Variants in ATP8B1 observed in about 807,000 individuals in gnomAD.
ATP8B1 encodes the protein ATPase phospholipid transporting 8B1, also known as phospholipid-transporting ATPase IC.
A neutral mutation model predicts 149.9 loss-of-function variants in ATP8B1; 80 were observed. The observed-to-expected ratio is 0.53, with a 90% CI of 0.45 to 0.64. The LOEUF (loss-of-function observed/expected upper bound fraction) is 0.64, where lower values mean the gene tolerates loss of function less well. Among genes scored for constraint, ATP8B1 ranks in the 30% least tolerant of loss-of-function variants. The pLI is 0.00. For synonymous variants in ATP8B1, 536 were observed against 562.8 expected (o/e 0.95, Z 0.67); for missense variants, 1,247 against 1,552.6 (o/e 0.80, Z 3.31).
rs72627261 is a variant in ATP8B1 at position 57,763,777 on chromosome 18, A to C, written c.-25-31945T>G. On this transcript the variant is annotated intron_variant, in intron 1 of 27. Coordinates refer to ENST00000648908, the MANE Select transcript of ATP8B1 (RefSeq NM_001374385.1). Reference sequence around the variant, plus strand: ...CATAAACATGTCAATCTTTCCCTTTAGCTCCTTCCACTCCTCCTTCAGTGT... The same window carrying C: ...CATAAACATGTCAATCTTTCCCTTTCGCTCCTTCCACTCCTCCTTCAGTGT... 8.4e-3 allele frequency among the ~76,000 whole-genome samples: 1,274 copies of C among 152,110 alleles called. 24 individuals are homozygous for C. The East Asian group carries it at 0.088, about 11-fold the overall frequency.
chr18:57,746,333 T>C (rs1390411535), intron 1 of ATP8B1, among the ~76,000 whole-genome samples: 2 of 152,134 alleles, frequency 1.3e-5, no homozygotes, highest in Non-Finnish European at 1.5e-5. Context: ...TTAGGTGGCA[T>C]ACTTCTCCAG....
chr18:57,792,909 T>C (rs1277767073), intron 1 of ATP8B1, among the ~76,000 whole-genome samples: 2 of 152,172 alleles, frequency 1.3e-5, no homozygotes. Flanking sequence ...GCAGCAGCCC[T>C]GGCAGGACAG....
In ATP8B1 at chr18:57,775,965, T is replaced by C. The variant is rs79489060; in HGVS notation, c.-26+27033A>G. ...AGCCTAGGCATTTCTTTAAAATCTA[T>C]CCATTCATGTGCTCCATTAGTCAAA... On this transcript the variant is annotated intron_variant, in intron 1 of 27. Coordinates refer to ENST00000648908, the MANE Select transcript of ATP8B1 (RefSeq NM_001374385.1). Among the ~76,000 whole-genome samples the C allele has an allele frequency of 2.1e-3, 318 of 152,230 alleles. 5 individuals are homozygous for C. Among genetic ancestry groups the C allele is most frequent in the Admixed American group, 0.016 (237 of 15,272 alleles).
At chr18:57,764,066 CT>C (rs2080183079) in intron 1 of ATP8B1, among the ~76,000 whole-genome samples, 1 of 152,210 alleles carries the variant, frequency 6.6e-6, no homozygotes. Context: ...TATTATAATA[CT>C]TTAATAAATA....
intron 2 of ATP8B1, among the ~76,000 whole-genome samples, chr18:57,730,442 G>T (rs319433): frequency 6.6e-6 from 1 of 152,104 alleles, no homozygotes; most frequent in African/African-American, 2.4e-5. Flanking sequence ...TAGAATTTTA[G>T]GGAACACCAT....
chr18:57,706,153 T>A (rs555328973), intron 3 of ATP8B1, among the ~76,000 whole-genome samples: 1 of 152,320 alleles, frequency 6.6e-6, no homozygotes, highest in South Asian at 2.1e-4. Context: ...GGAAGATAAG[T>A]TCTTAAGAGA....
intron 1 of ATP8B1, among the ~76,000 whole-genome samples, chr18:57,782,340 C>T (rs1192579055): frequency 2.6e-5 from 4 of 152,220 alleles, no homozygotes; most frequent in African/African-American, 7.2e-5. Context: ...AGCATCCTTA[C>T]GTTACACCAT....
rs371204439 is a variant in ATP8B1, at chr18:57,781,933, TG to T, written c.-26+21064del. On this transcript the variant is annotated intron_variant, in intron 1 of 27. Transcript: ENST00000648908. ...CCAGAAGTTTAAAGCTGCAGTGAGC[TG>T]TGTATGATCAGGCCACTGCACTCCA... is the stretch of plus-strand genomic sequence containing the variant. Among the ~76,000 whole-genome samples, 333 of 152,262 alleles carry T rather than the reference TG, an allele frequency of 2.2e-3. 2 individuals carry two copies. The highest frequency in any genetic ancestry group is 3.9e-3 in the Non-Finnish European group (263 of 68,014).
Position 57,688,298 on chromosome 18 carries a change from C to A in ATP8B1, c.1429+1G>T, listed in dbSNP as rs776670060. On this transcript the variant is annotated splice_donor_variant, in intron 13 of 27. Transcript: ENST00000648908. LOFTEE classifies it high-confidence loss of function. ...GAAAATGAGTGACGGCTTCCACTTA[C>A]CATATATCTGCCCGTTGATACAGCA... The A allele has an allele frequency of 6.2e-7, 1 of 1,613,816 alleles. No homozygotes were observed. The highest frequency in any genetic ancestry group is 8.5e-7 in the Non-Finnish European group (1 of 1,179,836).
chr18:57,653,350 A>G (rs1452667880), intron 24 of ATP8B1, among the ~76,000 whole-genome samples: 37 of 149,310 alleles, frequency 2.5e-4, no homozygotes, highest in African/African-American at 7.6e-4. Flanking sequence ...AGTGGCACAA[A>G]CACAACTCAC....
intron 16 of ATP8B1, among the ~76,000 whole-genome samples, chr18:57,672,917 T>TACAC (rs1568189307): frequency 1.5e-4 from 8 of 51,662 alleles, no homozygotes; most frequent in South Asian, 1.6e-3. Flanking sequence ...TATATATATA[T>TACAC]ATATATATAT....
chr18:57,684,367 CT>C lies in ATP8B1; in HGVS notation c.1474-176del, dbSNP rs1014520345. 0.032 allele frequency among the ~76,000 whole-genome samples: 4,722 copies of C among 146,096 alleles called. 242 individuals are homozygous for C. Among genetic ancestry groups the C allele is most frequent in the African/African-American group, 0.11 (4,323 of 40,192 alleles). On this transcript the variant is annotated intron_variant, in intron 14 of 27. Coordinates refer to ENST00000648908, the MANE Select transcript of ATP8B1 (RefSeq NM_001374385.1). ...CTGTCTTAAATAAAAAGCTCCCCCC[CT>C]TTTTTTTTTTGGAAACATATATGAC...
intron 2 of ATP8B1, among the ~76,000 whole-genome samples, chr18:57,713,176 T>TTCC (rs1568207385): frequency 1.0e-4 from 7 of 69,648 alleles, no homozygotes; most frequent in Non-Finnish European, 8.7e-5. Flanking sequence ...TCTTTCTTTC[T>TTCC]TTCTTTCTTT....
At chr18:57,756,301 GTATA>G (rs1384350680) in intron 1 of ATP8B1, among the ~76,000 whole-genome samples, 1 of 107,820 alleles carries the variant, frequency 9.3e-6, no homozygotes. Context: ...GTGTGTGTAT[GTATA>G]TATATATATA....
chr18:57,672,931 T>TAA (rs1555690213), intron 16 of ATP8B1, among the ~76,000 whole-genome samples: 7,063 of 32,654 alleles, frequency 0.22, 1,186 homozygotes, highest in Admixed American at 0.26. Flanking sequence ...TATATATATA[T>TAA]AACATGTATA....
At chr18:57,736,045 C>T (rs553902109) in intron 1 of ATP8B1, among the ~76,000 whole-genome samples, 15 of 135,216 alleles carry the variant, frequency 1.1e-4, no homozygotes, top group African/African-American at 3.3e-4. Flanking sequence ...CATTGTTCAG[C>T]TCCTGCTTAT....
At chr18:57,786,554 C>G (rs1186536361) in intron 1 of ATP8B1, among the ~76,000 whole-genome samples, 1 of 152,204 alleles carries the variant, frequency 6.6e-6, no homozygotes, top group Non-Finnish European at 1.5e-5. Flanking sequence ...CACCACTGAT[C>G]AAGCCACATC....
chr18:57,715,488 G>A (rs2079575274), intron 2 of ATP8B1, among the ~76,000 whole-genome samples: 3 of 152,136 alleles, frequency 2.0e-5, no homozygotes, highest in Non-Finnish European at 4.4e-5. Flanking sequence ...CCCAAACCTA[G>A]AGGAAGATAT....
chr18:57,762,947 C>A (rs1424373782), intron 1 of ATP8B1, among the ~76,000 whole-genome samples: 1 of 152,092 alleles, frequency 6.6e-6, no homozygotes, highest in Non-Finnish European at 1.5e-5. Flanking sequence ...TCTCTTGATC[C>A]AAAGATAACT....
Sources: allele counts gnomAD v4.1 joint callset (sites outside exome capture counted in the v4.1 genomes callset), GRCh38; gene constraint gnomAD v4.1.1; transcripts MANE v1.5; gene names NCBI Gene and HGNC (gene_info 2026-07-23, HGNC 2026-07-21).